MACF1: variants seen among roughly 807,000 people sequenced by gnomAD.
The protein encoded by MACF1 is microtubule actin crosslinking factor 1.
A neutral mutation model predicts 854.8 loss-of-function variants in MACF1; 193 were observed. That is an observed-to-expected ratio of 0.23 (90% CI 0.20 to 0.25). The LOEUF (loss-of-function observed/expected upper bound fraction) is 0.25, where lower values mean the gene tolerates loss of function less well. MACF1 is among the 10% of genes least tolerant of loss of function. MACF1 has a pLI of 1.00. For missense variants in MACF1, 7,722 were observed against 8,929.1 expected, an observed-to-expected ratio of 0.86 and a Z score of 5.45; for synonymous variants, 3,185 against 3,226.7, an observed-to-expected ratio of 0.99 and a Z score of 0.44.
At chr1:39,271,116 G>T (rs1436073801) in intron 6 of MACF1, among the ~76,000 whole-genome samples, 11 of 152,224 alleles carry the variant, frequency 7.2e-5, no homozygotes, top group Admixed American at 7.2e-4. Flanking sequence ...TGGGGCGCAT[G>T]AATGTATTAA....
At position 39,085,671 on chromosome 1, in the gene MACF1, A is replaced by C. The variant is rs541744466; in HGVS notation, c.220+1233A>C. Among the ~76,000 whole-genome samples the C allele has an allele frequency of 6.7e-4, 102 of 152,366 alleles. 1 individual carries two copies. The South Asian group carries it at 0.02, about 30-fold the overall frequency. On this transcript the variant is annotated intron_variant, in intron 2 of 93. Transcript: ENST00000361689. ...TGTACAACACTTCATTAAAAATACA[A>C]TAAAAAATAAAATAAAATACAAACC...
At position 39,485,768 on chromosome 1, in the gene MACF1, C is replaced by T; in HGVS notation, c.22642C>T (p.Pro7548Ser). 6.2e-7 allele frequency: 1 copy of T among 1,609,016 alleles called. No individual in the cohort carries two copies. Among genetic ancestry groups the T allele is most frequent in the Non-Finnish European group, 8.5e-7 (1 of 1,176,480 alleles). The change falls in exon 101 of 101, where the codon CCC (proline) becomes TCC (serine). Residue 7548 changes from proline (P) to serine (S), a missense_variant. Physicochemically the swap from Pro to Ser is moderately conservative, Grantham distance 74. Transcript: ENST00000564288. Reference sequence around the variant, plus strand: ...GTCTAAGAAGACCACCACTGCCTCCCCCAGGACTCCAGGTCCCAAGCGATA... The same window carrying T: ...GTCTAAGAAGACCACCACTGCCTCCTCCAGGACTCCAGGTCCCAAGCGATA... The part of the protein sequence containing the change: ...TMSKKTTTAS[P>S]RTPGPKR
Position 39,485,861 on chromosome 1 carries a change from A to C in MACF1, c.*67A>C. On this transcript the variant is annotated 3_prime_UTR_variant, in exon 101 of 101. Coordinates refer to ENST00000564288, the MANE Select transcript of MACF1 (RefSeq NM_001394062.1). Reference sequence around the variant, plus strand: ...TGCTCCATACATTGGGTGTATATTTATTCTGAACGGGAGAAGTTATATTGT... The same window carrying C: ...TGCTCCATACATTGGGTGTATATTTCTTCTGAACGGGAGAAGTTATATTGT... 1 of 1,438,436 alleles carries C rather than the reference A, an allele frequency of 7.0e-7. No individual in the cohort carries two copies. The highest frequency in any genetic ancestry group is 1.5e-5 in the South Asian group (1 of 66,242). 89.1% of individuals were successfully genotyped at this position (1,438,436 alleles called of 1,614,324 possible).
Position 39,453,561 on chromosome 1 carries a change from C to T in MACF1, c.20743-146C>T, listed in dbSNP as rs550628989. On this transcript the variant is annotated intron_variant, in intron 87 of 100. Transcript: ENST00000564288. ...CCCACATCTTTTAGAATGAAAATGCCATAAATAACTATACAGGCTTTTAGA... is the reference window on the plus strand; with the variant it reads ...CCCACATCTTTTAGAATGAAAATGCTATAAATAACTATACAGGCTTTTAGA... The T allele has an allele frequency of 3.3e-4, 216 of 663,286 alleles. 1 individual carries two copies. Among genetic ancestry groups the T allele is most frequent in the African/African-American group, 3.1e-3 (170 of 54,900 alleles). 41.1% of individuals were successfully genotyped at this position (663,286 alleles called of 1,614,324 possible).
chr1:39,434,757 G>T (rs1415934676), intron 69 of MACF1, 125 bp downstream of exon 69: 1 of 745,214 alleles, frequency 1.3e-6, no homozygotes, highest in East Asian at 2.7e-5. Flanking sequence ...TAATCAGTTA[G>T]AATTCCTTTC....
intron 58 of MACF1, chr1:39,414,397 T>G: frequency 1.2e-6 from 2 of 1,614,000 alleles, no homozygotes; most frequent in Non-Finnish European, 1.7e-6. Context: ...TTCCCTAGTA[T>G]TTGGCATAAA....
intron 2 of MACF1, among the ~76,000 whole-genome samples, chr1:39,172,286 A>G (rs571747552): frequency 1.3e-5 from 2 of 152,360 alleles, no homozygotes; most frequent in South Asian, 4.1e-4. Flanking sequence ...TAATCCCTCT[A>G]TCCCTTTGGC....
intron 47 of MACF1, among the ~76,000 whole-genome samples, chr1:39,360,006 AAAAAAAATATATATATATATATAT>A (rs1647960353): frequency 3.0e-5 from 2 of 66,546 alleles, no homozygotes; most frequent in East Asian, 8.0e-4. Flanking sequence ...AAAAAAAAAA[AAAAAAAATATATATATATATATAT>A]ATATATATAT....
chr1:39,171,757 C>T (rs563830036), intron 2 of MACF1, among the ~76,000 whole-genome samples: 13 of 152,160 alleles, frequency 8.5e-5, no homozygotes, highest in Non-Finnish European at 1.9e-4. Flanking sequence ...TCCCGAGTAG[C>T]TGGGACTACA....
chr1:39,232,920 C>A (rs1644800584), intron 2 of MACF1, among the ~76,000 whole-genome samples: 1 of 151,900 alleles, frequency 6.6e-6, no homozygotes, highest in Non-Finnish European at 1.5e-5. Context: ...GTAGCTGGAA[C>A]TACAGGCATG....
chr1:39,118,119 A>C (rs187611087), intron 2 of MACF1, among the ~76,000 whole-genome samples: 1 of 152,364 alleles, frequency 6.6e-6, no homozygotes, highest in African/African-American at 2.4e-5. Context: ...TCCAGTTTCC[A>C]GCAGGGAGAG....
intron 58 of MACF1, among the ~76,000 whole-genome samples, chr1:39,403,172 C>T (rs1379550711): frequency 6.6e-6 from 1 of 151,964 alleles, no homozygotes; most frequent in East Asian, 1.9e-4. Flanking sequence ...GATCTTGGCT[C>T]ACTGCAGTCT....
At chr1:39,408,733 C>T (rs1259940026) in intron 58 of MACF1, among the ~76,000 whole-genome samples, 2 of 152,104 alleles carry the variant, frequency 1.3e-5, no homozygotes, top group Non-Finnish European at 2.9e-5. Context: ...GGGTTCCGTT[C>T]CTCTCCTTGC....
intron 2 of MACF1, among the ~76,000 whole-genome samples, chr1:39,149,922 AT>A (rs1488536924): frequency 6.6e-6 from 1 of 151,292 alleles, no homozygotes; most frequent in African/African-American, 2.4e-5. Context: ...TGCTAGTTGT[AT>A]TTTTTTTCCA....
chr1:39,167,930 T>C (rs931340562), intron 2 of MACF1, among the ~76,000 whole-genome samples: 1 of 151,984 alleles, frequency 6.6e-6, no homozygotes, highest in South Asian at 2.1e-4. Flanking sequence ...TTATGTTGAA[T>C]GTTAGCTGGA....
intron 58 of MACF1, chr1:39,411,839 A>T: frequency 6.2e-7 from 1 of 1,613,872 alleles, no homozygotes; most frequent in Non-Finnish European, 8.5e-7. Context: ...GGCCTTTTAC[A>T]TGTAAGGGCA....
At chr1:39,375,821 C>T (rs1267782651) in intron 52 of MACF1, among the ~76,000 whole-genome samples, 1 of 152,180 alleles carries the variant, frequency 6.6e-6, no homozygotes, top group Non-Finnish European at 1.5e-5. Flanking sequence ...GGCTTTTACA[C>T]ATAGAAAACA....
At chr1:39,414,349 G>T (rs757725187) in intron 58 of MACF1, 16 of 1,614,002 alleles carry the variant, frequency 9.9e-6, no homozygotes, top group Admixed American at 5.0e-5. Flanking sequence ...TCTAGAGGAG[G>T]CTTCCTCCAC....
chr1:39,366,176 T>C (rs1418652856), intron 49 of MACF1, among the ~76,000 whole-genome samples: 1 of 152,248 alleles, frequency 6.6e-6, no homozygotes, highest in Non-Finnish European at 1.5e-5. Flanking sequence ...CTTCATTAGT[T>C]CTAGAGAAGT....
Sources: gnomAD v4.1 joint callset for allele counts (sites outside exome capture counted in the v4.1 genomes callset) on GRCh38, gnomAD v4.1.1 for gene constraint, MANE v1.5 for transcripts, NCBI Gene and HGNC (gene_info 2026-07-23, HGNC 2026-07-21) for gene names.